DCC: variants seen among roughly 807,000 people sequenced by gnomAD.
DCC encodes DCC netrin 1 receptor, also known as netrin receptor DCC.
Under a neutral mutation model 172.5 loss-of-function variants are expected in DCC, and 58 were observed. The ratio of observed to expected loss-of-function variants is 0.34; its 90% CI spans 0.27 to 0.42. The LOEUF (loss-of-function observed/expected upper bound fraction) is 0.42. Among genes scored for constraint, DCC ranks in the 10% least tolerant of loss-of-function variants. The probability of loss-of-function intolerance (pLI) is 1.00; values close to 1 mark genes in which losing one functional copy is unlikely to be tolerated. For synonymous variants in DCC, 709 were observed against 644.5 expected, an observed-to-expected ratio of 1.10 and a Z score of -1.52; for missense variants, 1,740 against 1,791.0, an observed-to-expected ratio of 0.97 and a Z score of 0.51.
At chr18:52,592,080 A>G (rs1357795087) in intron 1 of DCC, among the ~76,000 whole-genome samples, 1 of 152,130 alleles carries the variant, frequency 6.6e-6, no homozygotes, top group Admixed American at 6.5e-5. Flanking sequence ...AAAAGTAAAC[A>G]TGCTTTAGTC....
chr18:52,965,448 G>A (rs1286127972), intron 5 of DCC, among the ~76,000 whole-genome samples: 1 of 152,104 alleles, frequency 6.6e-6, no homozygotes, highest in Non-Finnish European at 1.5e-5. Context: ...TAAGCAATGA[G>A]AAGGTCATAA....
intron 7 of DCC, among the ~76,000 whole-genome samples, chr18:53,103,140 T>A (rs1344096780): frequency 1.3e-5 from 2 of 152,040 alleles, no homozygotes; most frequent in Non-Finnish European, 2.9e-5. Flanking sequence ...TATATCACCA[T>A]GCAAAATTCC....
At chr18:53,000,488 T>C (rs915038019) in intron 5 of DCC, among the ~76,000 whole-genome samples, 1 of 152,120 alleles carries the variant, frequency 6.6e-6, no homozygotes, top group East Asian at 1.9e-4. Flanking sequence ...CAAAGTTCTA[T>C]AGGTTTTTTC....
At chr18:52,751,450 A>G (rs1194062779) in intron 1 of DCC, among the ~76,000 whole-genome samples, 1 of 152,252 alleles carries the variant, frequency 6.6e-6, no homozygotes, top group Non-Finnish European at 1.5e-5. Flanking sequence ...CATTTGGATG[A>G]AAATTAAGAC....
chr18:53,360,728 A>G (rs1317242925), intron 15 of DCC, among the ~76,000 whole-genome samples: 1 of 152,188 alleles, frequency 6.6e-6, no homozygotes, highest in Admixed American at 6.6e-5. Flanking sequence ...TCATTAGGAC[A>G]GGTTAAATCT....
intron 1 of DCC, among the ~76,000 whole-genome samples, chr18:52,504,359 A>G (rs1363441231): frequency 6.6e-6 from 1 of 152,146 alleles, no homozygotes; most frequent in East Asian, 1.9e-4. Context: ...ATGACAGGGA[A>G]CATACTGGTA....
chr18:52,464,982 G>C (rs1028650235), intron 1 of DCC, among the ~76,000 whole-genome samples: 9 of 152,028 alleles, frequency 5.9e-5, no homozygotes, highest in Non-Finnish European at 1.2e-4. Context: ...TCAGACCAAA[G>C]ATATTTGGTC....
chr18:52,825,980 AAG>A (rs1344171430), intron 2 of DCC, among the ~76,000 whole-genome samples: 1 of 152,208 alleles, frequency 6.6e-6, no homozygotes, highest in East Asian at 1.9e-4. Flanking sequence ...ATAAGCCAAA[AAG>A]AAGTTTCAAA....
rs534450522 is a variant in DCC at position 53,143,218 on chromosome 18, C to CT, written c.1262-14131dup. Among the ~76,000 whole-genome samples, 5 of 152,218 alleles carry CT rather than the reference C, an allele frequency of 3.3e-5. No homozygotes were observed. In the East Asian group the frequency reaches 7.7e-4, roughly 24 times the overall value. ...AGCCCACTCCCCAGCCTCCTCACCT[C>CT]TTTTTTTAATGGCTGCAATCAACTC... On this transcript the variant is annotated intron_variant, in intron 7 of 28. Transcript: ENST00000442544.
intron 1 of DCC, among the ~76,000 whole-genome samples, chr18:52,692,517 C>A (rs745503890): frequency 3.3e-5 from 5 of 152,150 alleles, no homozygotes; most frequent in Admixed American, 6.6e-5. Context: ...CTGCTCACTG[C>A]AATCTCTGTC....
intron 1 of DCC, among the ~76,000 whole-genome samples, chr18:52,458,229 G>A (rs529403131): frequency 6.6e-6 from 1 of 151,996 alleles, no homozygotes; most frequent in Non-Finnish European, 1.5e-5. Context: ...CGGCTGCAGG[G>A]GCTGCCCCTG....
intron 1 of DCC, among the ~76,000 whole-genome samples, chr18:52,730,977 A>G (rs115121847): frequency 6.6e-6 from 1 of 152,314 alleles, no homozygotes; most frequent in African/African-American, 2.4e-5. Context: ...CAATAAAAGA[A>G]TAAAATTTGT....
intron 1 of DCC, among the ~76,000 whole-genome samples, chr18:52,467,461 G>A (rs964981876): frequency 1.3e-5 from 2 of 152,078 alleles, no homozygotes; most frequent in Admixed American, 1.3e-4. Flanking sequence ...TGGACATTTG[G>A]GTTGATTCGA....
At position 52,946,568 on chromosome 18, in the gene DCC, T is replaced by G. The variant is rs147780192; in HGVS notation, c.985+21198T>G. 4.6e-5 allele frequency among the ~76,000 whole-genome samples: 7 copies of G among 152,290 alleles called. No homozygotes were observed. In the East Asian group the frequency reaches 1.2e-3, roughly 25 times the overall value. ...TGGGTTCAAGTCTGCCCTGTGTGCT[T>G]CTTCTGGGTCATAGGCAGAAGGGAC... is the stretch of plus-strand genomic sequence containing the variant. On this transcript the variant is annotated intron_variant, in intron 5 of 28. Transcript: ENST00000442544.
chr18:53,015,359 A>G (rs898227688), intron 5 of DCC, among the ~76,000 whole-genome samples: 1 of 152,220 alleles, frequency 6.6e-6, no homozygotes, highest in Non-Finnish European at 1.5e-5. Context: ...TTTAATTTGT[A>G]TGACTCTGAT....
intron 1 of DCC, among the ~76,000 whole-genome samples, chr18:52,476,309 G>C (rs1234082960): frequency 1.3e-5 from 2 of 152,100 alleles, no homozygotes; most frequent in Non-Finnish European, 2.9e-5. Context: ...TCACCTGGCT[G>C]TCGGCATAAC....
intron 1 of DCC, among the ~76,000 whole-genome samples, chr18:52,695,392 T>A (rs1208191636): frequency 6.6e-6 from 1 of 152,196 alleles, no homozygotes; most frequent in East Asian, 1.9e-4. Flanking sequence ...AGTAGTCCCT[T>A]CATGTTGGAT....
intron 1 of DCC, among the ~76,000 whole-genome samples, chr18:52,731,110 G>A (rs1226246155): frequency 1.3e-5 from 2 of 152,184 alleles, no homozygotes; most frequent in Non-Finnish European, 2.9e-5. Flanking sequence ...TGTCTATTAT[G>A]TGGTCCTGAT....
chr18:52,530,622 T>C (rs1219201646), intron 1 of DCC, among the ~76,000 whole-genome samples: 1 of 152,230 alleles, frequency 6.6e-6, no homozygotes, highest in Non-Finnish European at 1.5e-5. Flanking sequence ...CCTACTCCAC[T>C]GTACTTCAAG....
Sources: gnomAD v4.1 joint callset for allele counts (sites outside exome capture counted in the v4.1 genomes callset) on GRCh38, gnomAD v4.1.1 for gene constraint, MANE v1.5 for transcripts, NCBI Gene and HGNC (gene_info 2026-07-23, HGNC 2026-07-21) for gene names.